MRPS35: variants seen among roughly 807,000 people sequenced by gnomAD.
The protein encoded by MRPS35 is mitochondrial ribosomal protein S35, also known as small ribosomal subunit protein mS35.
Under a neutral mutation model 32.7 loss-of-function variants are expected in MRPS35, and 29 were observed. The observed-to-expected ratio is 0.89, with a 90% CI of 0.66 to 1.21. The LOEUF is 1.21. Ranked by LOEUF, MRPS35 falls within the 50% of genes most tolerant of loss-of-function variation. MRPS35 has a pLI of 0.00. For missense variants in MRPS35, 373 were observed against 383.8 expected (o/e 0.97, Z 0.23); for synonymous variants, 148 against 139.3 (o/e 1.06, Z -0.44).
chr12:27,725,918 A>T (rs2061898143), intron 5 of MRPS35, among the ~76,000 whole-genome samples: 1 of 144,384 alleles, frequency 6.9e-6, no homozygotes, highest in Non-Finnish European at 1.5e-5. Context: ...TGATTCTCCC[A>T]TCTCAGCCTC....
Position 27,735,485 on chromosome 12 carries a change from G to A in MRPS35, c.561G>A (p.Lys187=), listed in dbSNP as rs1431994456. The A allele has an allele frequency of 3.1e-6, 5 of 1,611,372 alleles. No homozygotes were observed. The highest frequency in any genetic ancestry group is 4.2e-6 in the Non-Finnish European group (5 of 1,179,122). Residue 187 remains lysine (K), a synonymous_variant, in exon 6 of 8, where the codon AAG becomes AAA. Coordinates refer to ENST00000081029, the MANE Select transcript of MRPS35 (RefSeq NM_021821.4). The stretch of plus-strand genomic sequence containing the variant: ...GTTTGAATTTAGATGATCACGCAAA[G>A]AAGAAATTAATTAAACTTGTAGGAG... ...LSSLNLDDHA[K]KKLIKLVGER... is the part of the protein sequence containing the mutation.
At chr12:27,728,015 A>AT (rs1337852502) in intron 5 of MRPS35, among the ~76,000 whole-genome samples, 1 of 151,954 alleles carries the variant, frequency 6.6e-6, no homozygotes, top group Non-Finnish European at 1.5e-5. Context: ...TTATATTGTT[A>AT]TTTTTTCTGA....
At chr12:27,714,844 A>C in intron 2 of MRPS35, 24 bp downstream of exon 2, 1 of 1,598,326 alleles carries the variant, frequency 6.3e-7, no homozygotes, top group Non-Finnish European at 8.6e-7. Context: ...ATACTCTACT[A>C]TCTTAATGGT....
intron 7 of MRPS35, among the ~76,000 whole-genome samples, chr12:27,754,765 C>CAAAAA (rs149548847): frequency 1.1e-4 from 11 of 103,520 alleles, no homozygotes; most frequent in African/African-American, 3.8e-4. Flanking sequence ...AGACCCATCT[C>CAAAAA]AAAAAAAAAA....
At chr12:27,723,402 T>C (rs1194354059) in intron 4 of MRPS35, among the ~76,000 whole-genome samples, 1 of 152,222 alleles carries the variant, frequency 6.6e-6, no homozygotes, top group Non-Finnish European at 1.5e-5. Flanking sequence ...TTCCTCTCTA[T>C]GCTCTCTTGC....
intron 7 of MRPS35, among the ~76,000 whole-genome samples, chr12:27,743,107 T>C (rs2061970131): frequency 6.6e-6 from 1 of 151,894 alleles, no homozygotes; most frequent in African/African-American, 2.4e-5. Flanking sequence ...GTGATCCTCC[T>C]GCCTCTGCCT....
chr12:27,718,021 AGGGT>A (rs2061857988), intron 3 of MRPS35, among the ~76,000 whole-genome samples: 1 of 152,240 alleles, frequency 6.6e-6, no homozygotes, highest in South Asian at 2.1e-4. Flanking sequence ...CCTCAACACT[AGGGT>A]TTATAATTTT....
rs373281006 is a variant in MRPS35, at chr12:27,720,965, A to G, written c.382+1097A>G. Among the ~76,000 whole-genome samples, 7 of 152,116 alleles carry G rather than the reference A, an allele frequency of 4.6e-5. No individual in the cohort carries two copies. In the East Asian group the frequency reaches 9.6e-4, roughly 21 times the overall value. ...TGATTAGATTTATTTAGGAGTTGGTACCTTTGGATAAAGTCTTAATATACT... is the reference window on the plus strand; with the variant it reads ...TGATTAGATTTATTTAGGAGTTGGTGCCTTTGGATAAAGTCTTAATATACT... On this transcript the variant is annotated intron_variant, in intron 4 of 7. Transcript: ENST00000081029.
At chr12:27,754,765 CAA>C (rs149548847) in intron 7 of MRPS35, among the ~76,000 whole-genome samples, 41,686 of 102,762 alleles carry the variant, frequency 0.41, 5,398 homozygotes, top group Admixed American at 0.47. Flanking sequence ...AGACCCATCT[CAA>C]AAAAAAAAAA....
intron 5 of MRPS35, among the ~76,000 whole-genome samples, chr12:27,733,125 A>G (rs1364181659): frequency 1.3e-5 from 2 of 151,488 alleles, no homozygotes; most frequent in African/African-American, 4.9e-5. Context: ...AAATGTAGCA[A>G]CTGAGGGCAA....
At chr12:27,734,922 A>T (rs2061937122) in intron 5 of MRPS35, among the ~76,000 whole-genome samples, 1 of 152,170 alleles carries the variant, frequency 6.6e-6, no homozygotes, top group Non-Finnish European at 1.5e-5. Flanking sequence ...TGAATTTTTC[A>T]ATTGTTTTGA....
intron 5 of MRPS35, 86 bp from the exon 6 acceptor site, chr12:27,735,361 A>G (rs2061939131): frequency 2.1e-6 from 2 of 962,550 alleles, no homozygotes; most frequent in Non-Finnish European, 3.1e-6. Context: ...AGTGGATTTA[A>G]TGTTAATAGG....
At chr12:27,739,752 A>G (rs1236476389) in intron 7 of MRPS35, among the ~76,000 whole-genome samples, 1 of 152,238 alleles carries the variant, frequency 6.6e-6, no homozygotes, top group East Asian at 1.9e-4. Context: ...CAATAAATAC[A>G]ACCCGTTTTG....
At chr12:27,720,710 G>A (rs2061870601) in intron 4 of MRPS35, among the ~76,000 whole-genome samples, 1 of 151,806 alleles carries the variant, frequency 6.6e-6, no homozygotes, top group African/African-American at 2.4e-5. Context: ...AATAACAGAA[G>A]TAATCACTGG....
At chr12:27,729,294 G>C (rs2061912074) in intron 5 of MRPS35, among the ~76,000 whole-genome samples, 1 of 152,060 alleles carries the variant, frequency 6.6e-6, no homozygotes, top group Non-Finnish European at 1.5e-5. Context: ...CCTAATACCT[G>C]CCAGTGGACA....
At chr12:27,738,568 G>T (rs2061951499) in intron 7 of MRPS35, among the ~76,000 whole-genome samples, 2 of 152,092 alleles carry the variant, frequency 1.3e-5, no homozygotes, top group Admixed American at 1.3e-4. Context: ...ATATGTTTAG[G>T]TAACTCAAAG....
At chr12:27,734,913 G>C (rs1180035455) in intron 5 of MRPS35, among the ~76,000 whole-genome samples, 1 of 152,134 alleles carries the variant, frequency 6.6e-6, no homozygotes, top group Non-Finnish European at 1.5e-5. Context: ...TGAGCTAAAT[G>C]AATTTTTCAA....
intron 5 of MRPS35, among the ~76,000 whole-genome samples, chr12:27,724,998 C>T (rs1472832995): frequency 6.6e-6 from 1 of 152,142 alleles, no homozygotes. Context: ...CTCAATGTGG[C>T]CTCCAATTTC....
intron 6 of MRPS35, 138 bp from the exon 7 acceptor site, chr12:27,737,401 T>G (rs1306084661): frequency 1.5e-6 from 1 of 665,488 alleles, no homozygotes; most frequent in Non-Finnish European, 2.6e-6. Flanking sequence ...CTATTTTTAT[T>G]CCAAAAACAG....
Sources: gnomAD v4.1 joint callset for allele counts (sites outside exome capture counted in the v4.1 genomes callset) on GRCh38, gnomAD v4.1.1 for gene constraint, MANE v1.5 for transcripts, NCBI Gene and HGNC (gene_info 2026-07-23, HGNC 2026-07-21) for gene names.